The following TTYH2 variants were observed in gnomAD, a reference collection of about 807,000 sequenced individuals.
The protein encoded by TTYH2 is tweety family member 2.
TTYH2 carries 49 observed loss-of-function variants against 68.3 expected under a neutral mutation model. The observed-to-expected ratio is 0.72, with a 90% CI of 0.57 to 0.91. The LOEUF (loss-of-function observed/expected upper bound fraction) is 0.91, where lower values mean the gene tolerates loss of function less well. Among genes scored for constraint, TTYH2 ranks in the 40% least tolerant of loss-of-function variants. The pLI is 0.00. For synonymous variants in TTYH2, 272 were observed against 300.8 expected, an observed-to-expected ratio of 0.90 and a Z score of 0.99; for missense variants, 631 against 700.4, an observed-to-expected ratio of 0.90 and a Z score of 1.12.
At chr17:74,249,279 C>T in intron 7 of TTYH2, 65 bp from the exon 8 acceptor site, 1 of 1,607,062 alleles carries the variant, frequency 6.2e-7, no homozygotes, top group Non-Finnish European at 8.5e-7. Flanking sequence ...GCTTGGCCAC[C>T]AAGGATGATA....
At chr17:74,235,826 G>A (rs1466160024) in intron 3 of TTYH2, among the ~76,000 whole-genome samples, 1 of 151,322 alleles carries the variant, frequency 6.6e-6, no homozygotes. Context: ...CCCGGGAGGC[G>A]GAGGTTGCAG....
At position 74,215,173 on chromosome 17, in the gene TTYH2, G is replaced by C. The variant is rs1410635712; in HGVS notation, c.129+1457G>C. On this transcript the variant is annotated intron_variant, in intron 1 of 13. Coordinates refer to ENST00000269346, the MANE Select transcript of TTYH2 (RefSeq NM_032646.6). The surrounding 1 kb of genome is among the most constrained non-coding windows in gnomAD (Gnocchi z 4.3). The stretch of plus-strand genomic sequence containing the variant: ...CGGATATGATTTCAGAAACAGCCGT[G>C]TGTGTGTGTGTGTGTGTGTGTGTGT... Among the ~76,000 whole-genome samples, 1 of 63,628 alleles carries C rather than the reference G, an allele frequency of 1.6e-5. No homozygotes were observed. The highest frequency in any genetic ancestry group is 6.3e-4 in the South Asian group (1 of 1,582). The allele number at this position is 63,628 out of a possible 152,430, so 41.7% of individuals were successfully genotyped here.
intron 10 of TTYH2, chr17:74,250,624 T>C: frequency 2.5e-6 from 1 of 396,610 alleles, no homozygotes; most frequent in Non-Finnish European, 4.6e-6. Context: ...CCCTGAACAA[T>C]GCAAGGGAGG....
chr17:74,252,432 G>A, intron 11 of TTYH2, 56 bp downstream of exon 11: 1 of 1,580,822 alleles, frequency 6.3e-7, no homozygotes, highest in Non-Finnish European at 8.6e-7. Flanking sequence ...TGGGAGAGCA[G>A]CAGACAGGGG....
chr17:74,223,266 G>A (rs935767994), intron 2 of TTYH2, among the ~76,000 whole-genome samples: 5 of 138,534 alleles, frequency 3.6e-5, no homozygotes, highest in African/African-American at 1.3e-4. Flanking sequence ...ACACCACCAT[G>A]CCTGCCTGGC....
chr17:74,260,152 CTACCTG>C lies in TTYH2; in HGVS notation c.1550_1555del (p.Tyr517_Leu518del). On this transcript the variant is annotated inframe_deletion, in exon 14 of 14. Coordinates refer to ENST00000269346, the MANE Select transcript of TTYH2 (RefSeq NM_032646.6). ...AGTACTCTCCCAGCATGAGAGCCAC[CTACCTG>C]TCTGTGGCGGATGAGCACCTGAGGC... is the stretch of plus-strand genomic sequence containing the variant. The C allele has an allele frequency of 3.1e-6, 5 of 1,613,906 alleles. No individual in the cohort carries two copies. Among genetic ancestry groups the C allele is most frequent in the Non-Finnish European group, 4.2e-6 (5 of 1,179,846 alleles).
At chr17:74,248,558 G>A (rs2050585106) in intron 6 of TTYH2, 1 of 1,013,144 alleles carries the variant, frequency 9.9e-7, no homozygotes, top group Non-Finnish European at 1.2e-6. Flanking sequence ...ACCCGTCCCT[G>A]TAGCACTTGA....
In TTYH2 at chr17:74,221,217, G is replaced by A. The variant is rs979305199; in HGVS notation, c.130-1268G>A. Among the ~76,000 whole-genome samples, 19 of 152,204 alleles carry A rather than the reference G, an allele frequency of 1.2e-4. No homozygotes were observed. In the East Asian group the frequency reaches 1.7e-3, roughly 14 times the overall value. On this transcript the variant is annotated intron_variant, in intron 1 of 13. Transcript: ENST00000269346. Reference sequence around the variant, plus strand: ...GTCTGTCAGCCAAGAGTGACCAGCAGAGCAGTCCATGTCAGAGGCCCGAAG... The same window carrying A: ...GTCTGTCAGCCAAGAGTGACCAGCAAAGCAGTCCATGTCAGAGGCCCGAAG...
intron 2 of TTYH2, among the ~76,000 whole-genome samples, chr17:74,230,132 AAAAAAT>A (rs1336571658): frequency 2.0e-5 from 3 of 152,178 alleles, no homozygotes; most frequent in Non-Finnish European, 4.4e-5. Flanking sequence ...CTCTGTCTCA[AAAAAAT>A]AAAAATAAAA....
At position 74,261,075 on chromosome 17, in the gene TTYH2, C is replaced by T. The variant is rs2050745733; in HGVS notation, c.*866C>T. On this transcript the variant is annotated 3_prime_UTR_variant, in exon 14 of 14. Coordinates refer to ENST00000269346, the MANE Select transcript of TTYH2 (RefSeq NM_032646.6). ...ATCCAAAGAATTGAAACTCCTAGCA[C>T]ATCCAGTTTTTACAACAGATTTGCA... 6.5e-6 allele frequency: 1 copy of T among 152,682 alleles called. No individual in the cohort carries two copies. The highest frequency in any genetic ancestry group is 1.5e-5 in the Non-Finnish European group (1 of 68,054). The allele number at this position is 152,682 out of a possible 1,614,324, so 9.5% of individuals were successfully genotyped here.
chr17:74,250,360 G>A lies in TTYH2; in HGVS notation c.1116+3G>A, dbSNP rs761211360. 2.5e-6 allele frequency: 4 copies of A among 1,612,216 alleles called. No homozygotes were observed. The African/African-American group carries it at 5.3e-5, about 22-fold the overall frequency. ...TGGACTGCCGAGGGCTGCACAAGGT[G>A]CATGGGGACCCTGGGGTCACGTGGA... On this transcript the variant is annotated splice_donor_region_variant and intron_variant, in intron 10 of 13. Coordinates refer to ENST00000269346, the MANE Select transcript of TTYH2 (RefSeq NM_032646.6).
intron 1 of TTYH2, among the ~76,000 whole-genome samples, chr17:74,216,745 CG>C (rs926983082): frequency 1.3e-5 from 2 of 152,228 alleles, no homozygotes; most frequent in African/African-American, 4.8e-5. Flanking sequence ...TTGGCCCTGG[CG>C]GGCACCCAGC....
chr17:74,222,870 C>G lies in TTYH2; in HGVS notation c.302+213C>G, dbSNP rs1487045801. Among the ~76,000 whole-genome samples the G allele has an allele frequency of 6.6e-6, 1 of 151,960 alleles. No homozygotes were observed. The highest frequency in any genetic ancestry group is 2.4e-5 in the African/African-American group (1 of 41,346). ...CCAGAAAGGTCTCCCAAGTGGCCCC[C>G]CACAAACCCTGCCCCAATGTGGGTT... On this transcript the variant is annotated intron_variant, in intron 2 of 13. Transcript: ENST00000269346. This position sits in a 1 kb window ranked among gnomAD's most constrained non-coding sequence, Gnocchi z 5.2.
In TTYH2 at chr17:74,241,262, C is replaced by CGTGT. The variant is rs199960092; in HGVS notation, c.636-2080_636-2077dup. 0.024 allele frequency among the ~76,000 whole-genome samples: 3,492 copies of CGTGT among 144,766 alleles called. 88 individuals carry two copies. The highest frequency in any genetic ancestry group is 0.057 in the African/African-American group (2,233 of 38,990). The allele number at this position is 144,766 out of a possible 152,430, so 95.0% of individuals were successfully genotyped here. On this transcript the variant is annotated intron_variant, in intron 4 of 13. Transcript: ENST00000269346. The surrounding 1 kb of genome is among the most constrained non-coding windows in gnomAD (Gnocchi z 4.1). The stretch of plus-strand genomic sequence containing the variant: ...ATAGACAGACCCGGTATTTATAATA[C>CGTGT]GTGTGTGTGTGTGTGTGTGTGTGTG...
At position 74,241,923 on chromosome 17, in the gene TTYH2, CTTTG is replaced by C. The variant is rs905726970; in HGVS notation, c.636-1446_636-1443del. Reference sequence around the variant, plus strand: ...TGTGGAAGGGAAAGGAACGAGGGCACTTTGTTTGGGGTCTTCTCAGTGTCCGTTG... The same window carrying C: ...TGTGGAAGGGAAAGGAACGAGGGCACTTTGGGGTCTTCTCAGTGTCCGTTG... On this transcript the variant is annotated intron_variant, in intron 4 of 13. Transcript: ENST00000269346. This position sits in a 1 kb window ranked among gnomAD's most constrained non-coding sequence, Gnocchi z 4.1. Among the ~76,000 whole-genome samples the C allele has an allele frequency of 2.0e-5, 3 of 152,184 alleles. No homozygotes were observed. Among genetic ancestry groups the C allele is most frequent in the East Asian group, 1.9e-4 (1 of 5,188 alleles).
intron 4 of TTYH2, among the ~76,000 whole-genome samples, chr17:74,238,308 C>T (rs1008195487): frequency 1.3e-5 from 2 of 152,234 alleles, no homozygotes; most frequent in African/African-American, 4.8e-5. Flanking sequence ...TCAGGGGAGG[C>T]TCTGACCTAC....
intron 4 of TTYH2, among the ~76,000 whole-genome samples, chr17:74,243,024 A>G (rs2050517513): frequency 6.6e-6 from 1 of 151,682 alleles, no homozygotes; most frequent in South Asian, 2.1e-4. Flanking sequence ...TGCACAAGCC[A>G]TATTTCAAGT....
At chr17:74,254,520 C>G (rs528283640) in intron 13 of TTYH2, among the ~76,000 whole-genome samples, 100 of 152,328 alleles carry the variant, frequency 6.6e-4, no homozygotes, top group African/African-American at 2.3e-3. Context: ...CCGTGACAAT[C>G]AGATAGCTAC....
At chr17:74,257,019 C>G (rs1451983959) in intron 13 of TTYH2, 1 of 152,202 alleles carries the variant, frequency 6.6e-6, no homozygotes, top group African/African-American at 2.4e-5. Context: ...GTTCCTTTTT[C>G]CAACCACCAG....
Sources: allele counts gnomAD v4.1 joint callset (sites outside exome capture counted in the v4.1 genomes callset), GRCh38; gene constraint gnomAD v4.1.1; non-coding constraint Gnocchi (gnomAD v3.1); transcripts MANE v1.5; gene names NCBI Gene and HGNC (gene_info 2026-07-23, HGNC 2026-07-21).